Variants in RPTOR observed in about 807,000 individuals in gnomAD.
RPTOR encodes the protein regulatory-associated protein of mTOR.
A neutral mutation model predicts 169.9 loss-of-function variants in RPTOR; 21 were observed. The observed-to-expected ratio is 0.12, with a 90% confidence interval of 0.09 to 0.18. The LOEUF is 0.18. Among genes scored for constraint, RPTOR ranks in the 10% least tolerant of loss-of-function variants. The pLI is 1.00. For synonymous variants in RPTOR, 732 were observed against 753.2 expected (o/e 0.97, Z 0.46); for missense variants, 1,133 against 1,855.9 (o/e 0.61, Z 7.16).
intron 20 of RPTOR, among the ~76,000 whole-genome samples, chr17:80,896,927 G>A (rs1344882303): frequency 6.6e-6 from 1 of 152,210 alleles, no homozygotes; most frequent in African/African-American, 2.4e-5. Context: ...GTAATTTTAA[G>A]TAATATCTTT....
intron 20 of RPTOR, 47 bp from the exon 21 acceptor site, chr17:80,908,764 A>G (rs1403506769): frequency 2.9e-6 from 4 of 1,402,568 alleles, no homozygotes; most frequent in Admixed American, 3.4e-5. Flanking sequence ...TAGGAGCCTC[A>G]TTGGCAGCTA....
chr17:80,864,100 A>AT (rs543645302), intron 13 of RPTOR, among the ~76,000 whole-genome samples: 33 of 152,328 alleles, frequency 2.2e-4, no homozygotes, highest in South Asian at 1.7e-3. Context: ...AATAGCTAAC[A>AT]TTTTTTTGAA....
intron 5 of RPTOR, among the ~76,000 whole-genome samples, chr17:80,731,878 T>C (rs1158949963): frequency 6.6e-6 from 1 of 152,234 alleles, no homozygotes; most frequent in East Asian, 1.9e-4. Context: ...ATGTGTACAG[T>C]TGAATATTTT....
At chr17:80,680,845 G>A (rs965081360) in intron 3 of RPTOR, among the ~76,000 whole-genome samples, 1 of 152,096 alleles carries the variant, frequency 6.6e-6, no homozygotes, top group African/African-American at 2.4e-5. Flanking sequence ...ATCCCACGTC[G>A]CACGTATGTG....
chr17:80,548,789 T>G (rs1225709520), intron 1 of RPTOR, among the ~76,000 whole-genome samples: 1 of 152,198 alleles, frequency 6.6e-6, no homozygotes, highest in East Asian at 1.9e-4. Context: ...GCAGCATGTT[T>G]GTAAAGTGAA....
intron 4 of RPTOR, among the ~76,000 whole-genome samples, chr17:80,729,544 A>C (rs2066371299): frequency 6.6e-6 from 1 of 152,172 alleles, no homozygotes; most frequent in South Asian, 2.1e-4. Flanking sequence ...AAAATGTTTC[A>C]CTCAGCAGAT....
rs1250345962 is a variant in RPTOR at position 80,744,883 on chromosome 17, CCCTGGCTACTAGCACTGT to C, written c.655-9111_655-9094del. ...AGCACTGTCCTGGTTACGAGCACAG[CCCTGGCTACTAGCACTGT>C]CCTGGCTACTAGCACAGCCCTGGTT... On this transcript the variant is annotated intron_variant, in intron 5 of 33. Coordinates refer to ENST00000306801, the MANE Select transcript of RPTOR (RefSeq NM_020761.3). 2.3e-3 allele frequency among the ~76,000 whole-genome samples: 172 copies of C among 74,178 alleles called. 45 individuals carry two copies. Among genetic ancestry groups the C allele is most frequent in the African/African-American group, 5.9e-3 (160 of 27,256 alleles). 48.7% of individuals were successfully genotyped at this position (74,178 alleles called of 152,430 possible).
intron 21 of RPTOR, among the ~76,000 whole-genome samples, chr17:80,917,381 T>A (rs2068687275): frequency 6.6e-6 from 1 of 152,196 alleles, no homozygotes; most frequent in African/African-American, 2.4e-5. Flanking sequence ...CCCAAAGTGC[T>A]GGGATTACAG....
Position 80,957,755 on chromosome 17 carries a change from C to A in RPTOR, c.3477+25C>A. 1 of 1,603,080 alleles carries A rather than the reference C, an allele frequency of 6.2e-7. No homozygotes were observed. The highest frequency in any genetic ancestry group is 1.7e-5 in the Admixed American group (1 of 60,016). ...GGTAACCATGCAGGTGTCCCCCAAG[C>A]CCTGGGCCTGTGGGGCAGTGTGTGC... On this transcript the variant is annotated intron_variant, in intron 29 of 33. Transcript: ENST00000306801. The surrounding 1 kb of genome is among the most constrained non-coding windows in gnomAD (Gnocchi z 4.6).
chr17:80,694,063 T>A (rs4889784), intron 3 of RPTOR, among the ~76,000 whole-genome samples: 1 of 152,170 alleles, frequency 6.6e-6, no homozygotes, highest in Non-Finnish European at 1.5e-5. Context: ...TAAAGAGCGC[T>A]GTCAAGAATG....
intron 24 of RPTOR, among the ~76,000 whole-genome samples, chr17:80,935,305 A>G (rs2068942363): frequency 6.6e-6 from 1 of 152,230 alleles, no homozygotes; most frequent in African/African-American, 2.4e-5. Flanking sequence ...GATCAATGCA[A>G]CCCCAATCAA....
intron 11 of RPTOR, among the ~76,000 whole-genome samples, chr17:80,851,118 G>T (rs141362750): frequency 3.9e-5 from 6 of 152,074 alleles, no homozygotes; most frequent in Non-Finnish European, 8.8e-5. Context: ...TTGTAGAGAC[G>T]GGGTTTCACC....
chr17:80,550,981 G>A (rs555296040), intron 1 of RPTOR, among the ~76,000 whole-genome samples: 12 of 152,216 alleles, frequency 7.9e-5, no homozygotes, highest in African/African-American at 2.9e-4. Context: ...TCCACCTCCC[G>A]AGTTCAAGAG....
rs2069412098 is a variant in RPTOR at position 80,965,288 on chromosome 17, C to T, written c.*958C>T. On this transcript the variant is annotated 3_prime_UTR_variant, in exon 34 of 34. Transcript: ENST00000306801. Reference sequence around the variant, plus strand: ...CACACACATGCAGGCGGCGTGGTCTCCCTGCTCTGTCCCCACACGTTCCTC... The same window carrying T: ...CACACACATGCAGGCGGCGTGGTCTTCCTGCTCTGTCCCCACACGTTCCTC... The T allele has an allele frequency of 1.3e-5, 3 of 233,384 alleles. No homozygotes were observed. The highest frequency in any genetic ancestry group is 1.8e-4 in the South Asian group (1 of 5,536). The allele number at this position is 233,384 out of a possible 1,614,324, so 14.5% of individuals were successfully genotyped here.
chr17:80,713,164 G>T (rs549528826), intron 4 of RPTOR, among the ~76,000 whole-genome samples: 1 of 152,196 alleles, frequency 6.6e-6, no homozygotes, highest in Admixed American at 6.5e-5. Flanking sequence ...TGCCTCCTGG[G>T]TTCAAGTGAT....
At chr17:80,566,597 G>A (rs2064843581) in intron 1 of RPTOR, among the ~76,000 whole-genome samples, 2 of 151,948 alleles carry the variant, frequency 1.3e-5, no homozygotes, top group South Asian at 2.1e-4. Flanking sequence ...GAGGCAGGCG[G>A]ATCATGAGGT....
intron 1 of RPTOR, among the ~76,000 whole-genome samples, chr17:80,563,565 C>A (rs1317026486): frequency 7.0e-3 from 654 of 94,082 alleles, no homozygotes; most frequent in African/African-American, 9.2e-3. Context: ...ACTAAGTCTC[C>A]AAAAAAAAAA....
At chr17:80,929,230 G>A (rs569818756) in intron 24 of RPTOR, among the ~76,000 whole-genome samples, 3 of 152,284 alleles carry the variant, frequency 2.0e-5, no homozygotes, top group Non-Finnish European at 4.4e-5. Flanking sequence ...TGATCCAAAA[G>A]GTAAAATAAT....
chr17:80,745,430 G>T (rs183221111), intron 5 of RPTOR, among the ~76,000 whole-genome samples: 98 of 152,326 alleles, frequency 6.4e-4, no homozygotes, highest in African/African-American at 1.9e-3. Context: ...CAGCCTGGAT[G>T]TGATAGTTGC....
Sources: gnomAD v4.1 joint callset for allele counts (sites outside exome capture counted in the v4.1 genomes callset) on GRCh38, gnomAD v4.1.1 for gene constraint, Gnocchi (gnomAD v3.1) non-coding constraint, MANE v1.5 for transcripts, NCBI Gene and HGNC (gene_info 2026-07-23, HGNC 2026-07-21) for gene names.